Variants in DNASE2B observed in about 807,000 individuals in gnomAD.
DNASE2B encodes the protein deoxyribonuclease 2 beta.
DNASE2B carries 43 observed loss-of-function variants against 46.0 expected under a neutral mutation model. That is an observed-to-expected ratio of 0.94 (90% confidence interval 0.73 to 1.21). DNASE2B has a LOEUF of 1.21. Ranked by LOEUF, DNASE2B falls within the 50% of genes most tolerant of loss-of-function variation. The pLI is 0.00. For missense variants in DNASE2B, 395 were observed against 414.4 expected, an observed-to-expected ratio of 0.95 and a Z score of 0.41; for synonymous variants, 156 against 152.5, an observed-to-expected ratio of 1.02 and a Z score of -0.17.
intron 2 of DNASE2B, among the ~76,000 whole-genome samples, chr1:84,407,054 TA>T (rs1346882659): frequency 6.6e-6 from 1 of 152,204 alleles, no homozygotes; most frequent in African/African-American, 2.4e-5. Flanking sequence ...ACATATGTGT[TA>T]AAGGAATAAA....
At chr1:84,398,873 C>T (rs1218815114) in intron 1 of DNASE2B, among the ~76,000 whole-genome samples, 184 bp downstream of exon 1, 1 of 152,174 alleles carries the variant, frequency 6.6e-6, no homozygotes, top group Non-Finnish European at 1.5e-5. Context: ...GACGGAGTTT[C>T]CCCCTGAAAA....
Position 84,414,574 on chromosome 1 carries a change from A to T in DNASE2B, c.792A>T (p.Leu264Phe). Residue 264 changes from leucine to phenylalanine, a missense_variant, in exon 6 of 6, where the codon TTA becomes TTT. By Grantham distance (22) the Leu-to-Phe change is conservative. Transcript: ENST00000370665. ...CTCAACGGCTGAAGACACACTTGTT[A>T]ACAGAAACCTGGCAGCGAAAAAGAC... Reference protein sequence around the residue: ...WMAQRLKTHLLTETWQRKRQE... With the variant: ...WMAQRLKTHLFTETWQRKRQE... The T allele has an allele frequency of 1.2e-6, 2 of 1,614,006 alleles. No individual in the cohort carries two copies. Among genetic ancestry groups the T allele is most frequent in the Admixed American group, 1.7e-5 (1 of 60,008 alleles).
intron 2 of DNASE2B, among the ~76,000 whole-genome samples, chr1:84,404,742 G>A (rs1680472372): frequency 6.6e-6 from 1 of 152,140 alleles, no homozygotes; most frequent in Admixed American, 6.5e-5. Context: ...AGCATCACTG[G>A]AACCAATTTA....
At position 84,412,475 on chromosome 1, in the gene DNASE2B, T is replaced by G. The variant is rs1196369349; in HGVS notation, c.674T>G (p.Leu225Arg). ...AGCTCATCAGAGATTCCTGGCAGGCTCCTCACCACACTTCAGTCGGCCCAG... is the reference window on the plus strand; with the variant it reads ...AGCTCATCAGAGATTCCTGGCAGGCGCCTCACCACACTTCAGTCGGCCCAG... Reference protein sequence around the residue: ...RASSSEIPGRLLTTLQSAQGQ... With the variant: ...RASSSEIPGRRLTTLQSAQGQ... Residue 225 changes from leucine (L) to arginine (R), a missense_variant, in exon 5 of 6, where the codon CTC (leucine) becomes CGC (arginine). Coordinates refer to ENST00000370665, the MANE Select transcript of DNASE2B (RefSeq NM_021233.3). 2 of 1,613,966 alleles carry G rather than the reference T, an allele frequency of 1.2e-6. No homozygotes were observed. The highest frequency in any genetic ancestry group is 3.3e-5 in the Admixed American group (2 of 60,012).
At position 84,411,004 on chromosome 1, in the gene DNASE2B, A is replaced by C. The variant is rs1382783283; in HGVS notation, c.547+5A>C. The C allele has an allele frequency of 6.3e-7, 1 of 1,589,524 alleles. No individual in the cohort carries two copies. Among genetic ancestry groups the C allele is most frequent in the South Asian group, 1.1e-5 (1 of 87,964 alleles). ...ACAACCAGTATGAGGCAATAGGTAAAACTAAAGTATGTGAGAAAAAAAACG... is the reference window on the plus strand; with the variant it reads ...ACAACCAGTATGAGGCAATAGGTAACACTAAAGTATGTGAGAAAAAAAACG... On this transcript the variant is annotated splice_donor_5th_base_variant and intron_variant, in intron 4 of 5. Transcript: ENST00000370665.
Position 84,414,910 on chromosome 1 carries a change from C to T in DNASE2B, c.*42C>T, listed in dbSNP as rs775407697. 7.7e-6 allele frequency: 11 copies of T among 1,434,810 alleles called. No individual in the cohort carries two copies. Among genetic ancestry groups the T allele is most frequent in the Non-Finnish European group, 1.1e-5 (11 of 1,038,842 alleles). 88.9% of individuals were successfully genotyped at this position (1,434,810 alleles called of 1,614,324 possible). ...CAGGTACTATCATTGAAAACCTTGA[C>T]AATGGGTCTTCTTCCATTACACCTT... is the stretch of plus-strand genomic sequence containing the variant. On this transcript the variant is annotated 3_prime_UTR_variant, in exon 6 of 6. Coordinates refer to ENST00000370665, the MANE Select transcript of DNASE2B (RefSeq NM_021233.3).
rs1570309500 is a variant in DNASE2B at position 84,414,763 on chromosome 1, G to C, written c.981G>C (p.Arg327=). The C allele has an allele frequency of 1.2e-6, 2 of 1,614,120 alleles. No homozygotes were observed. Among genetic ancestry groups the C allele is most frequent in the East Asian group, 4.5e-5 (2 of 44,876 alleles). The change falls in exon 6 of 6, where the codon CGG becomes CGC. Residue 327 remains arginine (R), a synonymous_variant. Coordinates refer to ENST00000370665, the MANE Select transcript of DNASE2B (RefSeq NM_021233.3). ...NRWTCIGDLN[R]SPHQAFRSGG... ...GGACATGTATTGGAGACCTAAATCG[G>C]AGTCCACACCAAGCCTTCAGAAGTG...
rs7511984 is a variant in DNASE2B, at chr1:84,412,545, C to T, written c.744C>T (p.Asp248=). The change falls in exon 5 of 6, where the codon GAC becomes GAT. Residue 248 remains aspartate, a splice_region_variant and synonymous_variant. Coordinates refer to ENST00000370665, the MANE Select transcript of DNASE2B (RefSeq NM_021233.3). ...LHFAKSDSFL[D]DIFAAWMAQR... is the part of the protein sequence containing the mutation. ...TTGCAAAGTCGGATTCTTTTCTTGACGGTATGAAAGACCATCATCAAACAA... is the reference window on the plus strand; with the variant it reads ...TTGCAAAGTCGGATTCTTTTCTTGATGGTATGAAAGACCATCATCAAACAA... 278,750 of 1,603,506 alleles carry T rather than the reference C, an allele frequency of 0.17. 25,433 individuals are homozygous for T. The highest frequency in any genetic ancestry group is 0.2 in the African/African-American group (15,108 of 74,688).
intron 3 of DNASE2B, among the ~76,000 whole-genome samples, chr1:84,409,642 G>A (rs1680553992): frequency 6.6e-6 from 1 of 152,072 alleles, no homozygotes; most frequent in Admixed American, 6.6e-5. Context: ...CCTATTTACT[G>A]GGAACCCAAC....
intron 2 of DNASE2B, among the ~76,000 whole-genome samples, chr1:84,403,594 G>A (rs1159050610): frequency 2.0e-5 from 3 of 151,542 alleles, no homozygotes; most frequent in African/African-American, 4.9e-5. Flanking sequence ...TGGGGAAGGT[G>A]GAAGGGGAAG....
In DNASE2B at chr1:84,402,041, G is replaced by C; in HGVS notation, c.266G>C (p.Arg89Thr). 1 of 1,608,188 alleles carries C rather than the reference G, an allele frequency of 6.2e-7. No individual in the cohort carries two copies. Among genetic ancestry groups the C allele is most frequent in the Non-Finnish European group, 8.5e-7 (1 of 1,178,024 alleles). The change falls in exon 2 of 6, where the codon AGG (arginine) becomes ACG (threonine). Residue 89 changes from arginine (R) to threonine (T), a missense_variant. Coordinates refer to ENST00000370665, the MANE Select transcript of DNASE2B (RefSeq NM_021233.3). ...AATGACACCAAGAGTGTTTTGGGAA[G>C]GACATTACAACAGCTATATGAAGCA... ...LMNDTKSVLG[R>T]TLQQLYEAYA...
chr1:84,404,589 T>TA (rs769780627), intron 2 of DNASE2B, among the ~76,000 whole-genome samples: 4 of 152,146 alleles, frequency 2.6e-5, no homozygotes, highest in Non-Finnish European at 5.9e-5. Context: ...TCAGAGACAT[T>TA]ATGTTTGGGG....
intron 5 of DNASE2B, 21 bp downstream of exon 5, chr1:84,412,567 A>G: frequency 6.3e-7 from 1 of 1,585,216 alleles, no homozygotes; most frequent in Non-Finnish European, 8.6e-7. Flanking sequence ...CCATCATCAA[A>G]CAACATGCTG....
Position 84,412,539 on chromosome 1 carries a change from T to C in DNASE2B, c.738T>C (p.Phe246=), listed in dbSNP as rs2101854433. The change falls in exon 5 of 6, where the codon TTT becomes TTC. Residue 246 remains phenylalanine, a synonymous_variant. Coordinates refer to ENST00000370665, the MANE Select transcript of DNASE2B (RefSeq NM_021233.3). ...KFLHFAKSDS[F]LDDIFAAWMA... is the part of the protein sequence containing the mutation. ...TCCATTTTGCAAAGTCGGATTCTTT[T>C]CTTGACGGTATGAAAGACCATCATC... 1 of 1,609,018 alleles carries C rather than the reference T, an allele frequency of 6.2e-7. No individual in the cohort carries two copies. The highest frequency in any genetic ancestry group is 1.3e-5 in the African/African-American group (1 of 74,928).
At chr1:84,404,647 T>C (rs1224828340) in intron 2 of DNASE2B, among the ~76,000 whole-genome samples, 4 of 152,214 alleles carry the variant, frequency 2.6e-5, no homozygotes, top group African/African-American at 7.2e-5. Flanking sequence ...ATGGGACTTT[T>C]AGTGCCCGGT....
intron 3 of DNASE2B, among the ~76,000 whole-genome samples, chr1:84,409,901 G>A (rs998485059): frequency 2.6e-5 from 4 of 152,154 alleles, no homozygotes; most frequent in African/African-American, 9.7e-5. Context: ...AGGTTATCCA[G>A]TTCTGTTACA....
chr1:84,410,072 G>A (rs112300308), intron 3 of DNASE2B, among the ~76,000 whole-genome samples: 1 of 152,150 alleles, frequency 6.6e-6, no homozygotes, highest in East Asian at 1.9e-4. Flanking sequence ...TGAATCTTAT[G>A]TTTGCATAGT....
chr1:84,406,293 C>T (rs777470151), intron 2 of DNASE2B, among the ~76,000 whole-genome samples: 38 of 152,040 alleles, frequency 2.5e-4, no homozygotes, highest in African/African-American at 3.1e-4. Flanking sequence ...TCCACATCAA[C>T]GAGACTGCTA....
Position 84,412,418 on chromosome 1 carries a change from T to C in DNASE2B, c.617T>C (p.Leu206Pro), listed in dbSNP as rs1294214192. ...ATCCCAGCCACCTTTCACCAGGAGC[T>C]CATTCACATGCCCCAGCTGTGCACC... is the stretch of plus-strand genomic sequence containing the variant. ...CSIPATFHQELIHMPQLCTRA... is the reference protein window; with the variant it reads ...CSIPATFHQEPIHMPQLCTRA... The change falls in exon 5 of 6, where the codon CTC (leucine) becomes CCC (proline). Residue 206 changes from leucine to proline, a missense_variant. Coordinates refer to ENST00000370665, the MANE Select transcript of DNASE2B (RefSeq NM_021233.3). 3 of 1,613,316 alleles carry C rather than the reference T, an allele frequency of 1.9e-6. No individual in the cohort carries two copies. The Admixed American group carries it at 5.0e-5, about 27-fold the overall frequency.
Sources: gnomAD v4.1 joint callset for allele counts (sites outside exome capture counted in the v4.1 genomes callset) on GRCh38, gnomAD v4.1.1 for gene constraint, MANE v1.5 for transcripts, NCBI Gene and HGNC (gene_info 2026-07-23, HGNC 2026-07-21) for gene names.